DYM: variants seen among roughly 807,000 people sequenced by gnomAD.
DYM encodes dymeclin, also known as dyggve-Melchior-Clausen syndrome protein.
Under a neutral mutation model 93.1 loss-of-function variants are expected in DYM, and 78 were observed. The ratio of observed to expected loss-of-function variants is 0.84; its 90% CI spans 0.70 to 1.01. DYM has a LOEUF of 1.01. Among genes scored for constraint, DYM ranks in the 50% least tolerant of loss-of-function variants. DYM has a pLI of 0.00. For synonymous variants in DYM, 321 were observed against 319.7 expected (o/e 1.00, Z -0.04); for missense variants, 789 against 845.0 (o/e 0.93, Z 0.82).
intron 8 of DYM, among the ~76,000 whole-genome samples, chr18:49,325,469 A>T (rs1465614312): frequency 6.6e-6 from 1 of 152,344 alleles, no homozygotes; most frequent in African/African-American, 2.4e-5. Flanking sequence ...CCTGAAGAAA[A>T]GCAAAAAGCC....
chr18:49,187,593 T>C (rs1212166681), intron 14 of DYM, among the ~76,000 whole-genome samples: 1 of 152,138 alleles, frequency 6.6e-6, no homozygotes, highest in Non-Finnish European at 1.5e-5. Flanking sequence ...AAAGCTGAAA[T>C]AGGACATCAG....
intron 13 of DYM, among the ~76,000 whole-genome samples, chr18:49,221,311 G>C (rs36160557): frequency 0.1 from 15,824 of 151,278 alleles, 1,001 homozygotes; most frequent in East Asian, 0.29. Flanking sequence ...GTTGGTGGGA[G>C]TGTAAACTAG....
chr18:49,207,013 A>G (rs1259972769), intron 14 of DYM, among the ~76,000 whole-genome samples: 1 of 152,182 alleles, frequency 6.6e-6, no homozygotes, highest in African/African-American at 2.4e-5. Context: ...CTTTCACCAC[A>G]TGGTGTCTCC....
chr18:49,176,258 C>T (rs2089360904), intron 14 of DYM, among the ~76,000 whole-genome samples: 1 of 152,054 alleles, frequency 6.6e-6, no homozygotes, highest in African/African-American at 2.4e-5. Context: ...GTAAAATACA[C>T]AATCTGTCAA....
intron 17 of DYM, among the ~76,000 whole-genome samples, chr18:49,080,171 A>G (rs1404383215): frequency 2.7e-5 from 1 of 36,400 alleles, no homozygotes; most frequent in African/African-American, 1.6e-4. Context: ...TGACCCCCCC[A>G]CCTCCCTCCC....
At chr18:49,310,405 C>T (rs752645550) in intron 8 of DYM, among the ~76,000 whole-genome samples, 1 of 152,136 alleles carries the variant, frequency 6.6e-6, no homozygotes, top group South Asian at 2.1e-4. Context: ...TGGTATAAAA[C>T]ATGAGTAACT....
intron 8 of DYM, among the ~76,000 whole-genome samples, chr18:49,324,069 A>C (rs986814234): frequency 1.0e-4 from 13 of 126,042 alleles, no homozygotes; most frequent in Middle Eastern, 0.011. Context: ...TGGGAGGCGG[A>C]GGTTGCAGTG....
intron 14 of DYM, among the ~76,000 whole-genome samples, chr18:49,170,921 C>A (rs1171926017): frequency 6.7e-6 from 1 of 149,322 alleles, no homozygotes; most frequent in Non-Finnish European, 1.5e-5. Context: ...GCCAAGAGAA[C>A]AATTTTAAGG....
intron 15 of DYM, among the ~76,000 whole-genome samples, chr18:49,125,348 C>A (rs146015575): frequency 3.3e-5 from 5 of 152,118 alleles, no homozygotes; most frequent in Non-Finnish European, 5.9e-5. Context: ...TATACCCAGG[C>A]GTGAAATTCC....
intron 17 of DYM, among the ~76,000 whole-genome samples, chr18:49,069,827 G>C (rs1436236020): frequency 1.3e-5 from 2 of 152,194 alleles, no homozygotes; most frequent in African/African-American, 4.8e-5. Context: ...TGGATCATGA[G>C]GTCAGGAGTT....
At chr18:49,319,820 T>C (rs2062324252) in intron 8 of DYM, among the ~76,000 whole-genome samples, 1 of 152,154 alleles carries the variant, frequency 6.6e-6, no homozygotes, top group African/African-American at 2.4e-5. Flanking sequence ...GCTGCTTCTC[T>C]CCCTCTCTTC....
At chr18:49,406,208 T>C (rs565659363) in intron 2 of DYM, among the ~76,000 whole-genome samples, 1 of 152,300 alleles carries the variant, frequency 6.6e-6, no homozygotes, top group African/African-American at 2.4e-5. Context: ...TTTATTTCTT[T>C]CTCTTGCCTG....
chr18:49,424,028 T>C (rs1354059035), intron 2 of DYM, among the ~76,000 whole-genome samples: 1 of 151,146 alleles, frequency 6.6e-6, no homozygotes, highest in Non-Finnish European at 1.5e-5. Context: ...AAAGAGGGAA[T>C]CCTCCCTAAC....
At chr18:49,384,624 CAA>C (rs67349630) in intron 3 of DYM, among the ~76,000 whole-genome samples, 3 of 126,858 alleles carry the variant, frequency 2.4e-5, no homozygotes, top group South Asian at 2.6e-4. Flanking sequence ...CACTCCATCT[CAA>C]AAAAAAAAAA....
chr18:49,091,388 G>A (rs1260731528), intron 17 of DYM, among the ~76,000 whole-genome samples: 3 of 152,202 alleles, frequency 2.0e-5, no homozygotes, highest in Non-Finnish European at 4.4e-5. Context: ...AGGTCGGGCA[G>A]GCATGATGGA....
In DYM at chr18:49,359,009, T is replaced by C. The variant is rs546043421; in HGVS notation, c.494+4152A>G. On this transcript the variant is annotated intron_variant, in intron 6 of 17. Coordinates refer to ENST00000675505, the MANE Select transcript of DYM (RefSeq NM_001353214.3). ...GGCCACACCTGACTCCACCACTCGG[T>C]TGGTTCCCACAAGTCTCATTCAGCC... Among the ~76,000 whole-genome samples the C allele has an allele frequency of 2.0e-5, 3 of 152,292 alleles. No homozygotes were observed. The South Asian group carries it at 6.2e-4, about 32-fold the overall frequency.
chr18:49,130,791 A>C (rs1599975735), intron 15 of DYM, among the ~76,000 whole-genome samples: 1 of 152,162 alleles, frequency 6.6e-6, no homozygotes, highest in Non-Finnish European at 1.5e-5. Flanking sequence ...ACAGGTTACC[A>C]TTTAGGGGAG....
At chr18:49,118,661 A>G (rs755452260) in intron 16 of DYM, 83 bp downstream of exon 16, 1 of 1,269,618 alleles carries the variant, frequency 7.9e-7, no homozygotes, top group Non-Finnish European at 1.1e-6. Flanking sequence ...TCTTACTATT[A>G]TAGTTCTTAC....
Position 49,097,372 on chromosome 18 carries a change from G to A in DYM, c.2025+30C>T, listed in dbSNP as rs756046941. On this transcript the variant is annotated intron_variant, in intron 17 of 17. Coordinates refer to ENST00000675505, the MANE Select transcript of DYM (RefSeq NM_001353214.3). ...CATTTACATCAAGGGACACGGCAGT[G>A]TCAAGTGGACATTTCTTTAGCCTTC... is the stretch of plus-strand genomic sequence containing the variant. 3.3e-5 allele frequency: 52 copies of A among 1,597,316 alleles called. 1 individual carries two copies. The East Asian group carries it at 1.2e-3, about 36-fold the overall frequency.
Sources: gnomAD v4.1 joint callset for allele counts (sites outside exome capture counted in the v4.1 genomes callset) on GRCh38, gnomAD v4.1.1 for gene constraint, MANE v1.5 for transcripts, NCBI Gene and HGNC (gene_info 2026-07-23, HGNC 2026-07-21) for gene names.